The following WBP1L variants were observed in gnomAD, a reference collection of about 807,000 sequenced individuals.
The protein encoded by WBP1L is WW domain binding protein 1-like.
Under a neutral mutation model 33.7 loss-of-function variants are expected in WBP1L, and 17 were observed. That is an observed-to-expected ratio of 0.50 (90% confidence interval 0.34 to 0.76). The LOEUF (loss-of-function observed/expected upper bound fraction) is 0.76. Among genes scored for constraint, WBP1L ranks in the 30% least tolerant of loss-of-function variants. WBP1L has a pLI of 0.01. For missense variants in WBP1L, 389 were observed against 469.4 expected (o/e 0.83, Z 1.58); for synonymous variants, 173 against 190.8 (o/e 0.91, Z 0.77).
intron 1 of WBP1L, among the ~76,000 whole-genome samples, chr10:102,777,595 A>T (rs1248058194): frequency 7.6e-5 from 7 of 92,254 alleles, no homozygotes; most frequent in African/African-American, 2.2e-4. Flanking sequence ...TTTGAGATGG[A>T]GTCTCACTCT....
In WBP1L at chr10:102,813,530, GCA is replaced by G. The variant is rs1843881459; in HGVS notation, c.*202_*203del. The G allele has an allele frequency of 2.1e-5, 15 of 700,384 alleles. No individual in the cohort carries two copies. In the South Asian group the frequency reaches 3.0e-4, roughly 14 times the overall value. The allele number at this position is 700,384 out of a possible 1,614,324, so 43.4% of individuals were successfully genotyped here. A position where few individuals can be genotyped will look rare whatever the true frequency, so the allele number is the denominator to read the frequency against. The stretch of plus-strand genomic sequence containing the variant: ...TGTGGATGCCTCTTCCTCCACAAGG[GCA>G]CAGTGTTGTGGAGGGCTAAGTTGGT... On this transcript the variant is annotated 3_prime_UTR_variant, in exon 4 of 4. Transcript: ENST00000448841.
chr10:102,776,646 C>T (rs1409434252), intron 1 of WBP1L, among the ~76,000 whole-genome samples: 1 of 152,112 alleles, frequency 6.6e-6, no homozygotes, highest in East Asian at 1.9e-4. Flanking sequence ...CTAGGGCTGA[C>T]CAGTTCTGAT....
intron 1 of WBP1L, among the ~76,000 whole-genome samples, chr10:102,771,136 C>A (rs1479495296): frequency 6.6e-6 from 1 of 152,168 alleles, no homozygotes; most frequent in Non-Finnish European, 1.5e-5. Flanking sequence ...TACCCCACCC[C>A]AGAATTTAAA....
chr10:102,809,099 T>TGTTTA (rs1843787034), intron 2 of WBP1L, among the ~76,000 whole-genome samples: 1 of 152,092 alleles, frequency 6.6e-6, no homozygotes, highest in African/African-American at 2.4e-5. Context: ...TGTTTTGTTT[T>TGTTTA]GTGACGGTGT....
rs367613441 is a variant in WBP1L at position 102,813,186 on chromosome 10, A to C, written c.947A>C (p.Glu316Ala). 16 of 1,613,870 alleles carry C rather than the reference A, an allele frequency of 9.9e-6. No homozygotes were observed. Among genetic ancestry groups the C allele is most frequent in the South Asian group, 1.1e-5 (1 of 91,086 alleles). ...DSCHVRPPGD[E>A]EEGLCQSSEE... Reference sequence around the variant, plus strand: ...TGCCATGTGCGGCCCCCTGGTGATGAGGAGGAAGGCCTCTGTCAGTCCTCT... The same window carrying C: ...TGCCATGTGCGGCCCCCTGGTGATGCGGAGGAAGGCCTCTGTCAGTCCTCT... Residue 316 changes from glutamate (E) to alanine (A), a missense_variant, in exon 4 of 4, where the codon GAG becomes GCG. Glu to Ala is a moderately radical substitution (Grantham distance 107, BLOSUM62 -1). Transcript: ENST00000448841.
In WBP1L at chr10:102,787,788, C is replaced by T. The variant is rs543260088; in HGVS notation, c.91-10205C>T. ...TCAGGTCTTTGAACAGTCTAAAAAA[C>T]CAATAGTGGTCAGGCACGGTGGCTC... On this transcript the variant is annotated intron_variant, in intron 1 of 3. Transcript: ENST00000448841. Among the ~76,000 whole-genome samples the T allele has an allele frequency of 1.9e-4, 29 of 152,116 alleles. 1 individual carries two copies. The highest frequency in any genetic ancestry group is 1.4e-3 in the Admixed American group (22 of 15,278).
intron 1 of WBP1L, among the ~76,000 whole-genome samples, chr10:102,770,181 A>C (rs947695578): frequency 1.9e-4 from 29 of 152,220 alleles, no homozygotes; most frequent in African/African-American, 6.5e-4. Flanking sequence ...CATGACATGA[A>C]GATGTCTCAG....
intron 2 of WBP1L, among the ~76,000 whole-genome samples, chr10:102,799,960 C>T (rs1198148020): frequency 3.3e-5 from 5 of 152,206 alleles, no homozygotes; most frequent in Non-Finnish European, 7.3e-5. Flanking sequence ...ACGGGCTCAT[C>T]TGCCTTTCTG....
At chr10:102,774,398 T>C (rs990191778) in intron 1 of WBP1L, among the ~76,000 whole-genome samples, 34 of 152,186 alleles carry the variant, frequency 2.2e-4, no homozygotes, top group African/African-American at 8.0e-4. Context: ...AGGAGCCACT[T>C]CTTTTACACA....
chr10:102,812,256 A>C (rs1281733639), intron 3 of WBP1L, among the ~76,000 whole-genome samples: 1 of 152,234 alleles, frequency 6.6e-6, no homozygotes, highest in Non-Finnish European at 1.5e-5. Context: ...TGCATGTGGA[A>C]GTGGGTCCAT....
chr10:102,759,891 G>A (rs1168458648), intron 1 of WBP1L, among the ~76,000 whole-genome samples: 1 of 152,198 alleles, frequency 6.6e-6, no homozygotes, highest in Admixed American at 6.5e-5. Context: ...CCTAGTAGTG[G>A]AATTGCTGGG....
chr10:102,802,168 G>A (rs1843667342), intron 2 of WBP1L, among the ~76,000 whole-genome samples: 1 of 134,518 alleles, frequency 7.4e-6, no homozygotes, highest in Admixed American at 8.2e-5. Context: ...GTGAGACAAG[G>A]TTTCACTCTA....
intron 3 of WBP1L, among the ~76,000 whole-genome samples, chr10:102,812,256 A>G (rs1281733639): frequency 6.6e-6 from 1 of 152,234 alleles, no homozygotes; most frequent in Non-Finnish European, 1.5e-5. Context: ...TGCATGTGGA[A>G]GTGGGTCCAT....
At chr10:102,770,920 G>A (rs1843179752) in intron 1 of WBP1L, among the ~76,000 whole-genome samples, 1 of 152,240 alleles carries the variant, frequency 6.6e-6, no homozygotes, top group African/African-American at 2.4e-5. Flanking sequence ...GAAAGAGCCT[G>A]TGGAGCCAGA....
chr10:102,756,340 G>A (rs1465882344), intron 1 of WBP1L, among the ~76,000 whole-genome samples: 1 of 152,126 alleles, frequency 6.6e-6, no homozygotes, highest in Non-Finnish European at 1.5e-5. Context: ...AACCCGGGAA[G>A]CAGAGGTTGC....
intron 1 of WBP1L, among the ~76,000 whole-genome samples, chr10:102,780,767 T>A (rs1476761838): frequency 6.6e-6 from 1 of 152,254 alleles, no homozygotes; most frequent in Non-Finnish European, 1.5e-5. Flanking sequence ...CAGGTGGCCC[T>A]TCCCACAGTC....
At chr10:102,797,892 T>G in intron 1 of WBP1L, 101 bp from the exon 2 acceptor site, 1 of 1,076,094 alleles carries the variant, frequency 9.3e-7, no homozygotes, top group Non-Finnish European at 1.4e-6. Context: ...ATACAAACTG[T>G]TTTGGGGGCT....
At chr10:102,747,943 C>G (rs1193186281) in intron 1 of WBP1L, among the ~76,000 whole-genome samples, 2 of 152,088 alleles carry the variant, frequency 1.3e-5, no homozygotes, top group Non-Finnish European at 2.9e-5. Flanking sequence ...CAGTCCTTAC[C>G]TTTCCTTTGC....
chr10:102,804,401 AAAAAG>A (rs1217883497), intron 2 of WBP1L, among the ~76,000 whole-genome samples: 2 of 151,348 alleles, frequency 1.3e-5, no homozygotes, highest in African/African-American at 2.4e-5. Flanking sequence ...AAAAAAAAAA[AAAAAG>A]CCCTTTTTTT....
Sources: allele counts gnomAD v4.1 joint callset (sites outside exome capture counted in the v4.1 genomes callset), GRCh38; gene constraint gnomAD v4.1.1; transcripts MANE v1.5; gene names NCBI Gene and HGNC (gene_info 2026-07-23, HGNC 2026-07-21).